Variants in ADRA1A observed in about 807,000 individuals in gnomAD.
The protein encoded by ADRA1A is adrenoceptor alpha 1A, also known as alpha-1A adrenergic receptor.
ADRA1A carries 31 observed loss-of-function variants against 29.6 expected under a neutral mutation model. The ratio of observed to expected loss-of-function variants is 1.05; its 90% CI spans 0.79 to 1.41. The LOEUF is 1.41. Among genes scored for constraint, ADRA1A ranks in the 40% most tolerant of loss-of-function variants. The pLI, the probability that ADRA1A is intolerant of heterozygous loss-of-function variation, is 0.00. For synonymous variants in ADRA1A, 311 were observed against 254.3 expected, an observed-to-expected ratio of 1.22 and a Z score of -2.12; for missense variants, 619 against 601.1, an observed-to-expected ratio of 1.03 and a Z score of -0.31.
At chr8:26,748,993 T>C (rs901650580) in intron 2 of ADRA1A, among the ~76,000 whole-genome samples, 3 of 152,166 alleles carry the variant, frequency 2.0e-5, no homozygotes. Flanking sequence ...TCAAGGTTAG[T>C]ATTATTTGCA....
intron 2 of ADRA1A, among the ~76,000 whole-genome samples, chr8:26,778,410 T>G (rs1266102890): frequency 6.6e-6 from 1 of 152,232 alleles, no homozygotes; most frequent in Non-Finnish European, 1.5e-5. Context: ...TCATGTGCTT[T>G]TATGGGCTGC....
At chr8:26,795,311 A>C (rs1808117259) in intron 2 of ADRA1A, among the ~76,000 whole-genome samples, 1 of 152,184 alleles carries the variant, frequency 6.6e-6, no homozygotes, top group African/African-American at 2.4e-5. Flanking sequence ...TTCACAAAGG[A>C]TTAAAAATCG....
In ADRA1A at chr8:26,821,147, C is replaced by T. The variant is rs562245647; in HGVS notation, c.883+42940G>A. Among the ~76,000 whole-genome samples the T allele has an allele frequency of 4.6e-5, 7 of 152,156 alleles. No homozygotes were observed. Among genetic ancestry groups the T allele is most frequent in the Admixed American group, 6.5e-5 (1 of 15,282 alleles). On this transcript the variant is annotated intron_variant, in intron 2 of 2. Coordinates refer to ENST00000380573, the MANE Select transcript of ADRA1A (RefSeq NM_000680.4). The surrounding 1 kb of genome is among the most constrained non-coding windows in gnomAD (Gnocchi z 5.6). ...TCAGGTGATCCACCCACCTTGGCCTCGCAAAGTGCTGGGATTACAGGCATG... is the reference window on the plus strand; with the variant it reads ...TCAGGTGATCCACCCACCTTGGCCTTGCAAAGTGCTGGGATTACAGGCATG...
At chr8:26,840,906 C>T (rs906164612) in intron 2 of ADRA1A, among the ~76,000 whole-genome samples, 3 of 152,164 alleles carry the variant, frequency 2.0e-5, no homozygotes, top group Admixed American at 1.3e-4. Flanking sequence ...CTATAGAGAG[C>T]AAACACAGCC....
chr8:26,797,987 C>CTGTTTTTTTTTTTTTTTTTT (rs1808302546), intron 2 of ADRA1A, among the ~76,000 whole-genome samples: 1 of 148,484 alleles, frequency 6.7e-6, no homozygotes, highest in African/African-American at 2.5e-5. Context: ...GTAAGTTAGT[C>CTGTTTTTTTTTTTTTTTTTT]TTTTTTTTTT....
At chr8:26,749,958 C>T (rs1240256576) in intron 2 of ADRA1A, among the ~76,000 whole-genome samples, 1 of 152,160 alleles carries the variant, frequency 6.6e-6, no homozygotes, top group Non-Finnish European at 1.5e-5. Flanking sequence ...GCTAGAGGCA[C>T]ATGAGCATTG....
At chr8:26,824,415 T>A (rs1372811068) in intron 2 of ADRA1A, among the ~76,000 whole-genome samples, 1 of 152,054 alleles carries the variant, frequency 6.6e-6, no homozygotes, top group Non-Finnish European at 1.5e-5. Context: ...TCAAACTTCG[T>A]TTTTTGCATC....
intron 2 of ADRA1A, among the ~76,000 whole-genome samples, chr8:26,749,364 G>A (rs1804824907): frequency 6.6e-6 from 1 of 152,132 alleles, no homozygotes; most frequent in African/African-American, 2.4e-5. Context: ...TTTTTATAAA[G>A]ATATTTATGC....
chr8:26,793,099 C>T (rs1308652632), intron 2 of ADRA1A, among the ~76,000 whole-genome samples: 2 of 151,774 alleles, frequency 1.3e-5, no homozygotes, highest in African/African-American at 4.8e-5. Flanking sequence ...TGACATAAAG[C>T]ATTTCATGGA....
exon 3 of ADRA1A, chr8:26,748,383 A>G (rs1190845363): frequency 5.6e-6 from 1 of 178,414 alleles, no homozygotes; most frequent in Non-Finnish European, 1.2e-5. Context: ...TTTCTTTTGC[A>G]TATTGAGCTT....
intron 2 of ADRA1A, among the ~76,000 whole-genome samples, chr8:26,794,789 G>C (rs1808079387): frequency 6.6e-6 from 1 of 152,040 alleles, no homozygotes; most frequent in South Asian, 2.1e-4. Flanking sequence ...AAGAACAAAA[G>C]TGTTTCTTCT....
At chr8:26,802,914 C>T (rs542876454) in intron 2 of ADRA1A, among the ~76,000 whole-genome samples, 1 of 152,208 alleles carries the variant, frequency 6.6e-6, no homozygotes, top group South Asian at 2.1e-4. Context: ...GAGGTTCTGT[C>T]GTTTGCAACA....
At chr8:26,772,118 T>G (rs1340446303) in intron 2 of ADRA1A, 1 of 73,870 alleles carries the variant, frequency 1.4e-5, no homozygotes, top group Non-Finnish European at 2.2e-5. Flanking sequence ...TAATATGGGC[T>G]TTTTTTTTTT....
intron 2 of ADRA1A, among the ~76,000 whole-genome samples, chr8:26,749,168 G>T (rs999793610): frequency 1.3e-5 from 2 of 152,172 alleles, no homozygotes; most frequent in Non-Finnish European, 2.9e-5. Context: ...TCTCAAAGTT[G>T]TTTTGTAGGA....
rs1813398067 is a variant in ADRA1A, at chr8:26,860,842, C to T, written c.883+3245G>A. ...CCTCTCTCTATCCCATCGTTCCCATCAGAATATAAATATCATGTCATATCC... is the reference window on the plus strand; with the variant it reads ...CCTCTCTCTATCCCATCGTTCCCATTAGAATATAAATATCATGTCATATCC... On this transcript the variant is annotated intron_variant, in intron 2 of 2. Transcript: ENST00000380573. The surrounding 1 kb of genome is among the most constrained non-coding windows in gnomAD (Gnocchi z 4.7). Among the ~76,000 whole-genome samples, 1 of 152,098 alleles carries T rather than the reference C, an allele frequency of 6.6e-6. No individual in the cohort carries two copies. The highest frequency in any genetic ancestry group is 1.9e-4 in the East Asian group (1 of 5,174).
intron 2 of ADRA1A, among the ~76,000 whole-genome samples, chr8:26,840,745 G>A (rs965508017): frequency 2.0e-5 from 3 of 152,186 alleles, no homozygotes; most frequent in Non-Finnish European, 4.4e-5. Flanking sequence ...TGGAGAAACC[G>A]CTTAAAGGTC....
At chr8:26,804,176 C>T (rs1006591026) in intron 2 of ADRA1A, among the ~76,000 whole-genome samples, 3 of 151,836 alleles carry the variant, frequency 2.0e-5, no homozygotes, top group African/African-American at 7.3e-5. Context: ...CTGCCTTGGC[C>T]CCCCAAAGTG....
intron 2 of ADRA1A, among the ~76,000 whole-genome samples, chr8:26,772,859 T>TCACACACACA (rs71553824): frequency 9.7e-6 from 1 of 102,602 alleles, no homozygotes; most frequent in African/African-American, 4.9e-5. Flanking sequence ...TGTCTCAAAT[T>TCACACACACA]CACACACACA....
At position 26,769,111 on chromosome 8, in the gene ADRA1A, T is replaced by C. The variant is rs1254194685; in HGVS notation, c.*1038A>G. ...GTGAAGCTCATTCATTATGCAATAG[T>C]GAAGCAGATAAGAAGTAATGGGAGA... On this transcript the variant is annotated 3_prime_UTR_variant, in exon 3 of 3. Coordinates refer to ENST00000380573, the MANE Select transcript of ADRA1A (RefSeq NM_000680.4). The C allele has an allele frequency of 3.0e-6, 3 of 985,410 alleles. No individual in the cohort carries two copies. The highest frequency in any genetic ancestry group is 3.6e-6 in the Non-Finnish European group (3 of 829,904). The allele number at this position is 985,410 out of a possible 1,614,324, so 61.0% of individuals were successfully genotyped here. A position where few individuals can be genotyped will look rare whatever the true frequency, so the allele number is the denominator to read the frequency against.
Sources: gnomAD v4.1 joint callset for allele counts (sites outside exome capture counted in the v4.1 genomes callset) on GRCh38, gnomAD v4.1.1 for gene constraint, Gnocchi (gnomAD v3.1) non-coding constraint, MANE v1.5 for transcripts, NCBI Gene and HGNC (gene_info 2026-07-23, HGNC 2026-07-21) for gene names.